The following ZNF138 variants were observed in gnomAD, a reference collection of about 807,000 sequenced individuals.
ZNF138 encodes the protein zinc finger protein 138, also known as zinc finger protein 138 (clone pHZ-32).
In ZNF138, 33 loss-of-function variants were observed where a neutral mutation model predicts 33.0. The observed-to-expected ratio is 1.00, with a 90% CI of 0.76 to 1.34. ZNF138 has a LOEUF of 1.34. Among genes scored for constraint, ZNF138 ranks in the 40% most tolerant of loss-of-function variants. The probability of loss-of-function intolerance (pLI) is 0.00; values close to 1 mark genes in which losing one functional copy is unlikely to be tolerated. For synonymous variants in ZNF138, 139 were observed against 120.4 expected (o/e 1.15, Z -1.01); for missense variants, 360 against 370.8 (o/e 0.97, Z 0.24).
the ZNF138 span, chr7:64,852,402 T>C: frequency 6.5e-7 from 1 of 1,532,074 alleles, no homozygotes; most frequent in Non-Finnish European, 8.9e-7. Context: ...GATTAAGAGG[T>C]GGCCCCGGGT....
intron 3 of ZNF138, among the ~76,000 whole-genome samples, chr7:64,817,138 A>G (rs1788705463): frequency 1.3e-5 from 2 of 152,176 alleles, no homozygotes; most frequent in African/African-American, 4.8e-5. Context: ...GTGGGTTTCT[A>G]TGTAGGCAGA....
chr7:64,834,143 A>G (rs1335959383), downstream of ZNF138, among the ~76,000 whole-genome samples: 1 of 46,394 alleles, frequency 2.2e-5, no homozygotes, highest in African/African-American at 7.7e-5. Flanking sequence ...CACATTTTGT[A>G]TCCGAAGCAG....
intron 3 of ZNF138, among the ~76,000 whole-genome samples, chr7:64,821,153 AATCTCGGCTCGCTG>A (rs1357820448): frequency 3.5e-3 from 4 of 1,146 alleles, no homozygotes; most frequent in Non-Finnish European, 0.01. Flanking sequence ...GCAGTGGTGC[AATCTCGGCTCGCTG>A]CAACCTCCAC....
the ZNF138 span, among the ~76,000 whole-genome samples, chr7:64,845,003 T>C: frequency 3.9e-5 from 6 of 152,142 alleles, no homozygotes; most frequent in Non-Finnish European, 8.8e-5. Context: ...TTGTTAGTGG[T>C]GATTTGTGAG....
At position 64,797,009 on chromosome 7, in the gene ZNF138, G is replaced by A. The variant is rs112821241; in HGVS notation, c.3+2438G>A. 4.6e-5 allele frequency among the ~76,000 whole-genome samples: 7 copies of A among 151,562 alleles called. No homozygotes were observed. In the East Asian group the frequency reaches 5.8e-4, roughly 13 times the overall value. ...AGGTTGCAGTGAGCTGAGATCGTGC[G>A]GCTGCACTCCACCTTGGGCGACAGA... is the stretch of plus-strand genomic sequence containing the variant. On this transcript the variant is annotated intron_variant, in intron 1 of 3. Coordinates refer to ENST00000307355, the MANE Select transcript of ZNF138 (RefSeq NM_001271639.2).
intron 2 of ZNF138, among the ~76,000 whole-genome samples, 169 bp from the exon 3 acceptor site, chr7:64,815,407 C>G (rs1717370153): frequency 6.6e-6 from 1 of 152,036 alleles, no homozygotes; most frequent in African/African-American, 2.4e-5. Context: ...AAAATATTTT[C>G]TAAATATTTA....
At chr7:64,836,812 A>G (rs1191535491), downstream of ZNF138, 1 of 152,200 alleles carries the variant, frequency 6.6e-6, no homozygotes, top group Non-Finnish European at 1.5e-5. Flanking sequence ...TAGACCTAGG[A>G]AAGCTATGGG....
chr7:64,814,911 T>G lies in ZNF138; in HGVS notation c.4-7T>G. The G allele has an allele frequency of 2.5e-6, 4 of 1,612,354 alleles. No homozygotes were observed. In the South Asian group the frequency reaches 3.3e-5, roughly 13 times the overall value. ...TGTGTGTGTGTTTGTGTGTGCGTGT[T>G]TTTCAGGGACCACTGACATTTATGG... On this transcript the variant is annotated splice_polypyrimidine_tract_variant and splice_region_variant and intron_variant, in intron 1 of 3. Transcript: ENST00000307355.
At chr7:64,817,688 G>A (rs962021791) in intron 3 of ZNF138, among the ~76,000 whole-genome samples, 1 of 151,986 alleles carries the variant, frequency 6.6e-6, no homozygotes, top group Non-Finnish European at 1.5e-5. Context: ...AAATCTTTTT[G>A]CTGTTGGGGC....
At chr7:64,808,995 G>A (rs1226804340) in intron 1 of ZNF138, among the ~76,000 whole-genome samples, 1 of 133,378 alleles carries the variant, frequency 7.5e-6, no homozygotes, top group African/African-American at 2.7e-5. Context: ...TTTCTACACA[G>A]ACACGGCAAC....
rs777500952 is a variant in ZNF138 at position 64,831,646 on chromosome 7, C to T, written c.404C>T (p.Thr135Ile). 1 of 1,608,364 alleles carries T rather than the reference C, an allele frequency of 6.2e-7. No homozygotes were observed. Among genetic ancestry groups the T allele is most frequent in the Non-Finnish European group, 8.5e-7 (1 of 1,177,918 alleles). Residue 135 changes from threonine to isoleucine, a missense_variant, in exon 4 of 4, where the codon ACA becomes ATA. Thr to Ile is a moderately conservative substitution (Grantham distance 89, BLOSUM62 -1). Transcript: ENST00000307355. ...NGLNQCLKIT[T>I]SKIFQCNKYV... ...CTTAACCAATGTTTGAAAATTACCACAAGCAAAATATTTCAATGTAATAAA... is the reference window on the plus strand; with the variant it reads ...CTTAACCAATGTTTGAAAATTACCATAAGCAAAATATTTCAATGTAATAAA...
chr7:64,815,232 A>G (rs1225324511), intron 2 of ZNF138, among the ~76,000 whole-genome samples, 188 bp downstream of exon 2: 1 of 151,964 alleles, frequency 6.6e-6, no homozygotes, highest in Non-Finnish European at 1.5e-5. Flanking sequence ...TCTTGACCTG[A>G]ACTTTCCACA....
At chr7:64,810,668 C>T (rs1456255030) in intron 1 of ZNF138, among the ~76,000 whole-genome samples, 1 of 152,044 alleles carries the variant, frequency 6.6e-6, no homozygotes, top group Admixed American at 6.5e-5. Flanking sequence ...TTAGCAAAAA[C>T]AATAGGAAAT....
chr7:64,832,728 A>G lies in ZNF138; in HGVS notation c.*526A>G, dbSNP rs1790195244. ...CTCAACTCTTACTGCACATAAGATC[A>G]TTCATACTGGAGAGAAACCTTACAA... On this transcript the variant is annotated 3_prime_UTR_variant, in exon 4 of 4. Transcript: ENST00000307355. 2 of 449,206 alleles carry G rather than the reference A, an allele frequency of 4.5e-6. No homozygotes were observed. The highest frequency in any genetic ancestry group is 5.9e-5 in the East Asian group (1 of 17,062). The allele number at this position is 449,206 out of a possible 1,614,324, so 27.8% of individuals were successfully genotyped here.
Position 64,832,390 on chromosome 7 carries a change from TAATTC to T in ZNF138, c.*190_*194del. 6.6e-7 allele frequency: 1 copy of T among 1,518,954 alleles called. No homozygotes were observed. Among genetic ancestry groups the T allele is most frequent in the Non-Finnish European group, 8.8e-7 (1 of 1,137,568 alleles). 94.1% of individuals were successfully genotyped at this position (1,518,954 alleles called of 1,614,324 possible). On this transcript the variant is annotated 3_prime_UTR_variant, in exon 4 of 4. Transcript: ENST00000307355. Reference sequence around the variant, plus strand: ...TCCGCAAAGCTCACTGAACATAAGTTAATTCATACTGGAGAAAAACCCTACAAATG... The same window carrying T: ...TCCGCAAAGCTCACTGAACATAAGTTATACTGGAGAAAAACCCTACAAATG...
chr7:64,804,379 C>T (rs1015224257), intron 1 of ZNF138, among the ~76,000 whole-genome samples: 2 of 152,108 alleles, frequency 1.3e-5, no homozygotes, highest in African/African-American at 4.8e-5. Flanking sequence ...TCATGTGGAC[C>T]CCCTTGGAGT....
At position 64,794,471 on chromosome 7, in the gene ZNF138, G is replaced by T; in HGVS notation, c.-98G>T. ...CTGCAGGTCTGGCCTTCACTTTTCTGCGTCCTCTTACTCCTAGAGGCCCAG... is the reference window on the plus strand; with the variant it reads ...CTGCAGGTCTGGCCTTCACTTTTCTTCGTCCTCTTACTCCTAGAGGCCCAG... On this transcript the variant is annotated 5_prime_UTR_variant, in exon 1 of 4. Transcript: ENST00000307355. 1.3e-6 allele frequency: 2 copies of T among 1,576,280 alleles called. No individual in the cohort carries two copies. The highest frequency in any genetic ancestry group is 1.7e-5 in the Admixed American group (1 of 59,444).
intron 3 of ZNF138, among the ~76,000 whole-genome samples, chr7:64,828,902 A>G (rs1445610381): frequency 6.6e-6 from 1 of 152,162 alleles, no homozygotes; most frequent in East Asian, 1.9e-4. Context: ...ATTGCATTAA[A>G]TCTGTATATT....
intron 3 of ZNF138, among the ~76,000 whole-genome samples, chr7:64,825,796 C>T (rs943251580): frequency 6.6e-6 from 1 of 152,076 alleles, no homozygotes; most frequent in Admixed American, 6.6e-5. Flanking sequence ...CTTGGCCTCC[C>T]AAAATGTTGG....
Sources: gnomAD v4.1 joint callset for allele counts (sites outside exome capture counted in the v4.1 genomes callset) on GRCh38, gnomAD v4.1.1 for gene constraint, MANE v1.5 for transcripts, NCBI Gene and HGNC (gene_info 2026-07-23, HGNC 2026-07-21) for gene names.